The following GOLM2 variants were observed in gnomAD, a reference collection of about 807,000 sequenced individuals.
GOLM2 encodes protein GOLM2.
A neutral mutation model predicts 55.9 loss-of-function variants in GOLM2; 26 were observed. The ratio of observed to expected loss-of-function variants is 0.47; its 90% confidence interval spans 0.34 to 0.65. GOLM2 has a LOEUF of 0.65. Ranked by LOEUF, GOLM2 falls within the 30% of genes least tolerant of loss-of-function variation. The pLI is 0.01. For synonymous variants in GOLM2, 165 were observed against 194.6 expected (o/e 0.85, Z 1.27); for missense variants, 486 against 531.8 (o/e 0.91, Z 0.85).
rs764985897 is a variant in GOLM2 at position 44,379,666 on chromosome 15, A to G, written c.803-24A>G. 20 of 1,020,048 alleles carry G rather than the reference A, an allele frequency of 2.0e-5. No individual in the cohort carries two copies. The Admixed American group carries it at 3.6e-4, about 18-fold the overall frequency. The allele number at this position is 1,020,048 out of a possible 1,614,324, so 63.2% of individuals were successfully genotyped here. A position where few individuals can be genotyped will look rare whatever the true frequency, so the allele number is the denominator to read the frequency against. On this transcript the variant is annotated intron_variant, in intron 6 of 9. Coordinates refer to ENST00000299957, the MANE Select transcript of GOLM2 (RefSeq NM_138423.4). ...AAATCATAGTATCAATGGGAATAATATGGATTTATTTTTTTTCTTCTAGCT... is the reference window on the plus strand; with the variant it reads ...AAATCATAGTATCAATGGGAATAATGTGGATTTATTTTTTTTCTTCTAGCT...
rs571016600 is a variant in GOLM2, at chr15:44,324,675, T to C, written c.382+1656T>C. Among the ~76,000 whole-genome samples, 3 of 152,274 alleles carry C rather than the reference T, an allele frequency of 2.0e-5. No homozygotes were observed. In the South Asian group the frequency reaches 6.2e-4, roughly 32 times the overall value. ...AATAAATTGACATTCTACTATCAGA[T>C]TTATTTTGATTAGCTTACCTTGTTT... On this transcript the variant is annotated intron_variant, in intron 2 of 9. Coordinates refer to ENST00000299957, the MANE Select transcript of GOLM2 (RefSeq NM_138423.4).
At chr15:44,299,849 T>G (rs1269596043) in intron 1 of GOLM2, among the ~76,000 whole-genome samples, 1 of 138,686 alleles carries the variant, frequency 7.2e-6, no homozygotes, top group Non-Finnish European at 1.5e-5. Flanking sequence ...CTCATGCCTA[T>G]AATCCCAGCA....
intron 9 of GOLM2, 47 bp downstream of exon 9, chr15:44,403,101 T>A: frequency 1.2e-6 from 2 of 1,605,776 alleles, no homozygotes; most frequent in South Asian, 2.2e-5. Flanking sequence ...AACCCACCTC[T>A]AAGTTTTTTG....
chr15:44,310,502 CCACACACACACACACA>C (rs34821071), intron 1 of GOLM2, among the ~76,000 whole-genome samples: 2 of 124,692 alleles, frequency 1.6e-5, no homozygotes, highest in African/African-American at 6.0e-5. Flanking sequence ...ACACACACAC[CCACACACACACACACA>C]CACACACATA....
chr15:44,351,469 C>T (rs1044093883), intron 6 of GOLM2, among the ~76,000 whole-genome samples: 36 of 149,408 alleles, frequency 2.4e-4, no homozygotes, highest in African/African-American at 8.6e-4. Flanking sequence ...CCCAGCTACT[C>T]AGGAGGATGA....
At chr15:44,368,053 C>G (rs2079298160) in intron 6 of GOLM2, among the ~76,000 whole-genome samples, 1 of 151,958 alleles carries the variant, frequency 6.6e-6, no homozygotes, top group African/African-American at 2.4e-5. Flanking sequence ...GAAATTTCAG[C>G]ATTTATTCAG....
intron 6 of GOLM2, among the ~76,000 whole-genome samples, chr15:44,368,138 T>G (rs995267283): frequency 6.6e-6 from 1 of 151,734 alleles, no homozygotes; most frequent in Non-Finnish European, 1.5e-5. Flanking sequence ...TTTTTAAAAT[T>G]TATTTATTTA....
At chr15:44,405,848 C>A (rs184610878) in intron 9 of GOLM2, among the ~76,000 whole-genome samples, 1 of 152,180 alleles carries the variant, frequency 6.6e-6, no homozygotes, top group Non-Finnish European at 1.5e-5. Context: ...CCTCGAACTC[C>A]TGACCTCAAG....
At position 44,314,367 on chromosome 15, in the gene GOLM2, T is replaced by C. The variant is rs559962265; in HGVS notation, c.328-8598T>C. On this transcript the variant is annotated intron_variant, in intron 1 of 9. Transcript: ENST00000299957. ...TGAGGTCAGGAGTTCGAGACCATCC[T>C]GGCCAACATGGTGAAACCCCATCTC... is the stretch of plus-strand genomic sequence containing the variant. Among the ~76,000 whole-genome samples, 3 of 152,250 alleles carry C rather than the reference T, an allele frequency of 2.0e-5. No homozygotes were observed. The South Asian group carries it at 6.2e-4, about 32-fold the overall frequency.
intron 1 of GOLM2, among the ~76,000 whole-genome samples, chr15:44,292,986 T>G (rs1269515911): frequency 2.6e-5 from 4 of 152,134 alleles, no homozygotes; most frequent in Admixed American, 2.0e-4. Flanking sequence ...GTCTAATTTT[T>G]TATTTTTTGG....
chr15:44,314,451 C>G (rs532161005), intron 1 of GOLM2, among the ~76,000 whole-genome samples: 2 of 149,994 alleles, frequency 1.3e-5, no homozygotes, highest in Admixed American at 1.3e-4. Flanking sequence ...CCCACCAACT[C>G]AGTAGGCTGA....
chr15:44,413,202 T>A (rs1056683110), intron 9 of GOLM2, 134 bp from the exon 10 acceptor site: 1 of 573,748 alleles, frequency 1.7e-6, no homozygotes, highest in East Asian at 3.1e-5. Context: ...AACTAAGAAA[T>A]AGAACACTAT....
intron 2 of GOLM2, among the ~76,000 whole-genome samples, chr15:44,323,684 T>C (rs1350084357): frequency 6.6e-6 from 1 of 152,028 alleles, no homozygotes; most frequent in Non-Finnish European, 1.5e-5. Context: ...GTTATAATAC[T>C]GTATTTTAAA....
intron 1 of GOLM2, among the ~76,000 whole-genome samples, chr15:44,295,567 T>C (rs905845533): frequency 6.6e-6 from 1 of 152,188 alleles, no homozygotes; most frequent in Non-Finnish European, 1.5e-5. Context: ...ACAGACTAGG[T>C]GGCTTAAACA....
intron 1 of GOLM2, among the ~76,000 whole-genome samples, chr15:44,310,454 C>CTCTATATATATATATGTATATA (rs1187338800): frequency 3.5e-5 from 5 of 142,606 alleles, no homozygotes; most frequent in Non-Finnish European, 6.0e-5. Flanking sequence ...CTCTCTCTCT[C>CTCTATATATATATATGTATATA]TATATATATA....
chr15:44,332,824 TG>T (rs1224403212), intron 4 of GOLM2, among the ~76,000 whole-genome samples: 6 of 151,570 alleles, frequency 4.0e-5, no homozygotes, highest in Non-Finnish European at 8.8e-5. Flanking sequence ...ATACTTTTTT[TG>T]GGGGGGGCAA....
chr15:44,401,378 C>T (rs187467728), intron 8 of GOLM2, among the ~76,000 whole-genome samples: 16 of 152,212 alleles, frequency 1.1e-4, no homozygotes, highest in Non-Finnish European at 2.1e-4. Context: ...AATCCTTCTA[C>T]CTCAGCCTCC....
intron 6 of GOLM2, among the ~76,000 whole-genome samples, 179 bp from the exon 7 acceptor site, chr15:44,379,511 A>G (rs1189268842): frequency 6.6e-6 from 1 of 152,078 alleles, no homozygotes; most frequent in African/African-American, 2.4e-5. Flanking sequence ...GATGAATGGT[A>G]CAGTGTATCA....
chr15:44,295,395 T>C (rs2078749595), intron 1 of GOLM2, among the ~76,000 whole-genome samples: 1 of 152,188 alleles, frequency 6.6e-6, no homozygotes, highest in Non-Finnish European at 1.5e-5. Context: ...ATGGAAATTC[T>C]TTAAGGGAGC....
Sources: allele counts gnomAD v4.1 joint callset (sites outside exome capture counted in the v4.1 genomes callset), GRCh38; gene constraint gnomAD v4.1.1; transcripts MANE v1.5; gene names NCBI Gene and HGNC (gene_info 2026-07-23, HGNC 2026-07-21).